Variants in CCDC110 observed in about 807,000 individuals in gnomAD.
CCDC110 encodes coiled-coil domain containing 110.
A neutral mutation model predicts 77.1 loss-of-function variants in CCDC110; 70 were observed. The observed-to-expected ratio is 0.91, with a 90% CI of 0.75 to 1.11. CCDC110 has a LOEUF of 1.11. Ranked by LOEUF, CCDC110 falls within the 50% of genes least tolerant of loss-of-function variation. The pLI is 0.00. For synonymous variants in CCDC110, 295 were observed against 312.5 expected (o/e 0.94, Z 0.59); for missense variants, 868 against 942.9 (o/e 0.92, Z 1.04).
At chr4:185,470,390 G>A (rs1218399285) in intron 2 of CCDC110, among the ~76,000 whole-genome samples, 1 of 152,152 alleles carries the variant, frequency 6.6e-6, no homozygotes. Flanking sequence ...CAATGTAAAT[G>A]CTATGTAAAT....
At chr4:185,452,232 T>C (rs2095630230) in intron 6 of CCDC110, 3 of 985,442 alleles carry the variant, frequency 3.0e-6, no homozygotes, top group African/African-American at 1.7e-5. Context: ...CATCTAGTTA[T>C]CTACTCTCCT....
At chr4:185,471,455 G>A (rs969966402) in intron 1 of CCDC110, 2 of 472,894 alleles carry the variant, frequency 4.2e-6, no homozygotes, top group South Asian at 3.7e-5. Context: ...CTGGGCGGGC[G>A]GCGGCGGCAG....
intron 2 of CCDC110, among the ~76,000 whole-genome samples, chr4:185,465,809 A>G (rs1006367330): frequency 4.6e-5 from 7 of 152,092 alleles, no homozygotes; most frequent in Admixed American, 2.0e-4. Context: ...TTCAGAATAT[A>G]CTTTGGAGAT....
chr4:185,451,100 G>GT (rs2095628461), intron 6 of CCDC110, among the ~76,000 whole-genome samples: 1 of 152,120 alleles, frequency 6.6e-6, no homozygotes, highest in East Asian at 1.9e-4. Context: ...TTTATAAGGG[G>GT]TTTCCCTCTC....
intron 6 of CCDC110, among the ~76,000 whole-genome samples, chr4:185,455,257 A>G (rs550953743): frequency 6.6e-6 from 1 of 152,326 alleles, no homozygotes; most frequent in East Asian, 1.9e-4. Flanking sequence ...TTGTATTTAA[A>G]TGGATATAGT....
intron 2 of CCDC110, among the ~76,000 whole-genome samples, 174 bp from the exon 3 acceptor site, chr4:185,463,223 T>C (rs2095649622): frequency 1.3e-5 from 2 of 152,240 alleles, no homozygotes; most frequent in Admixed American, 1.3e-4. Flanking sequence ...TCGCTTGACT[T>C]AATATATCCA....
At chr4:185,465,863 A>G (rs2095654722) in intron 2 of CCDC110, among the ~76,000 whole-genome samples, 1 of 152,182 alleles carries the variant, frequency 6.6e-6, no homozygotes, top group Admixed American at 6.5e-5. Context: ...GCCAGGAGAG[A>G]TGAATGAATG....
At chr4:185,450,390 C>G (rs1182033670) in intron 6 of CCDC110, among the ~76,000 whole-genome samples, 4 of 152,202 alleles carry the variant, frequency 2.6e-5, no homozygotes, top group Admixed American at 1.3e-4. Flanking sequence ...GGGCATCCCA[C>G]CTAGGCCTTA....
chr4:185,462,627 A>G lies in CCDC110; in HGVS notation c.237+16T>C. Reference sequence around the variant, plus strand: ...TCAAGGTGAGATATTTCATATATAGATCAAAAGAAACATACCATGCTGACA... The same window carrying G: ...TCAAGGTGAGATATTTCATATATAGGTCAAAAGAAACATACCATGCTGACA... On this transcript the variant is annotated intron_variant, in intron 4 of 6. Coordinates refer to ENST00000307588, the MANE Select transcript of CCDC110 (RefSeq NM_152775.4). 6.2e-7 allele frequency: 1 copy of G among 1,600,270 alleles called. No homozygotes were observed. Among genetic ancestry groups the G allele is most frequent in the Non-Finnish European group, 8.6e-7 (1 of 1,167,374 alleles).
Position 185,470,823 on chromosome 4 carries a change from C to A in CCDC110, c.115+122G>T. The stretch of plus-strand genomic sequence containing the variant: ...CAGCACTGGCACAAAGCGCGAGTGC[C>A]GTGGTGGCTGCTGTCCGTGTCATCA... On this transcript the variant is annotated intron_variant, in intron 2 of 6. Coordinates refer to ENST00000307588, the MANE Select transcript of CCDC110 (RefSeq NM_152775.4). The A allele has an allele frequency of 6.5e-6, 5 of 774,816 alleles. No individual in the cohort carries two copies. In the South Asian group the frequency reaches 6.8e-5, roughly 11 times the overall value. The allele number at this position is 774,816 out of a possible 1,614,324, so 48.0% of individuals were successfully genotyped here.
rs114751873 is a variant in CCDC110, at chr4:185,468,352, T to C, written c.115+2593A>G. 9.8e-3 allele frequency among the ~76,000 whole-genome samples: 1,488 copies of C among 152,332 alleles called. 12 individuals are homozygous for C. Among genetic ancestry groups the C allele is most frequent in the Non-Finnish European group, 0.013 (907 of 68,034 alleles). On this transcript the variant is annotated intron_variant, in intron 2 of 6. Coordinates refer to ENST00000307588, the MANE Select transcript of CCDC110 (RefSeq NM_152775.4). The surrounding 1 kb of genome is among the most constrained non-coding windows in gnomAD (Gnocchi z 4.5). ...TAGTGAATGCTCAAGAGACACTAAC[T>C]CATTACTGCAGAGGCAATATGATGA...
At chr4:185,449,111 T>A (rs1279167685) in intron 6 of CCDC110, among the ~76,000 whole-genome samples, 1 of 152,212 alleles carries the variant, frequency 6.6e-6, no homozygotes, top group African/African-American at 2.4e-5. Flanking sequence ...CTTCTAAGTA[T>A]ATATGGCTTT....
chr4:185,456,953 C>T (rs188935230), intron 6 of CCDC110, among the ~76,000 whole-genome samples: 142 of 152,232 alleles, frequency 9.3e-4, no homozygotes, highest in Admixed American at 1.6e-3. Context: ...CAGACAAAGA[C>T]ATTACAAGAA....
rs112863001 is a variant in CCDC110 at position 185,470,766 on chromosome 4, A to T, written c.115+179T>A. The T allele has an allele frequency of 2.9e-3, 1,964 of 687,842 alleles. 28 individuals carry two copies. In the African/African-American group the frequency reaches 0.03, roughly 11 times the overall value. The allele number at this position is 687,842 out of a possible 1,614,324, so 42.6% of individuals were successfully genotyped here. A position where few individuals can be genotyped will look rare whatever the true frequency, so the allele number is the denominator to read the frequency against. On this transcript the variant is annotated intron_variant, in intron 2 of 6. Transcript: ENST00000307588. ...ACCCACCTCGTAAAAGTGTTGTGAG[A>T]ATTAAACAGTTGATCCATTACGTGC...
At chr4:185,466,752 T>C (rs766062424) in intron 2 of CCDC110, among the ~76,000 whole-genome samples, 2 of 151,982 alleles carry the variant, frequency 1.3e-5, no homozygotes, top group Admixed American at 1.3e-4. Flanking sequence ...GGAATTTTTT[T>C]TTTTTTAAAC....
rs544237363 is a variant in CCDC110, at chr4:185,466,298, G to A, written c.116-3249C>T. On this transcript the variant is annotated intron_variant, in intron 2 of 6. Transcript: ENST00000307588. Reference sequence around the variant, plus strand: ...GCTGAGGCAGGAGAATCGTTTGAACGTGGGAGGTGGAGGTTGCAGTGAGCC... The same window carrying A: ...GCTGAGGCAGGAGAATCGTTTGAACATGGGAGGTGGAGGTTGCAGTGAGCC... Among the ~76,000 whole-genome samples the A allele has an allele frequency of 8.5e-5, 13 of 152,106 alleles. No individual in the cohort carries two copies. The East Asian group carries it at 1.2e-3, about 14-fold the overall frequency.
At chr4:185,449,784 CTTATT>C in intron 6 of CCDC110, 1 of 527,428 alleles carries the variant, frequency 1.9e-6, no homozygotes, top group Non-Finnish European at 3.3e-6. Context: ...AATTCTCTTC[CTTATT>C]TTAATACTAC....
rs1356370897 is a variant in CCDC110, at chr4:185,455,184, TG to T, written c.2461+2941del. Among the ~76,000 whole-genome samples, 9 of 151,924 alleles carry T rather than the reference TG, an allele frequency of 5.9e-5. No individual in the cohort carries two copies. In the South Asian group the frequency reaches 1.0e-3, roughly 18 times the overall value. The stretch of plus-strand genomic sequence containing the variant: ...TATATTGTTTGTTTTATATTGTCAA[TG>T]TTTTTTTAACACTAACACTCTATTT... On this transcript the variant is annotated intron_variant, in intron 6 of 6. Coordinates refer to ENST00000307588, the MANE Select transcript of CCDC110 (RefSeq NM_152775.4).
At chr4:185,465,945 T>A (rs1031057958) in intron 2 of CCDC110, among the ~76,000 whole-genome samples, 8 of 151,906 alleles carry the variant, frequency 5.3e-5, no homozygotes, top group Admixed American at 4.6e-4. Context: ...AACAGTAGAG[T>A]AGGAACATAC....
Sources: allele counts gnomAD v4.1 joint callset (sites outside exome capture counted in the v4.1 genomes callset), GRCh38; gene constraint gnomAD v4.1.1; non-coding constraint Gnocchi (gnomAD v3.1); transcripts MANE v1.5; gene names NCBI Gene and HGNC (gene_info 2026-07-23, HGNC 2026-07-21).